The following PLCH1 variants were observed in gnomAD, a reference collection of about 807,000 sequenced individuals.
PLCH1 encodes phospholipase C eta 1.
Under a neutral mutation model 126.7 loss-of-function variants are expected in PLCH1, and 60 were observed. That is an observed-to-expected ratio of 0.47 (90% confidence interval 0.38 to 0.59). PLCH1 has a LOEUF of 0.59. Among genes scored for constraint, PLCH1 ranks in the 20% least tolerant of loss-of-function variants. PLCH1 has a pLI of 0.00. For missense variants in PLCH1, 1,723 were observed against 2,040.0 expected (o/e 0.84, Z 2.99); for synonymous variants, 719 against 734.9 (o/e 0.98, Z 0.35).
intron 21 of PLCH1, chr3:155,486,153 A>G: frequency 5.2e-6 from 8 of 1,541,812 alleles, no homozygotes; most frequent in African/African-American, 2.7e-5. Flanking sequence ...CTACCTTTGT[A>G]GCTCCTAGAA....
intron 21 of PLCH1, among the ~76,000 whole-genome samples, chr3:155,463,349 C>T (rs1712800562): frequency 1.3e-5 from 2 of 152,182 alleles, no homozygotes; most frequent in South Asian, 4.1e-4. Flanking sequence ...ATCTCAGCAC[C>T]TCTACCAGGT....
At chr3:155,688,851 G>T (rs1745155420) in intron 2 of PLCH1, among the ~76,000 whole-genome samples, 1 of 152,234 alleles carries the variant, frequency 6.6e-6, no homozygotes, top group Non-Finnish European at 1.5e-5. Flanking sequence ...ACTTTGTATT[G>T]TGGCCTGAGT....
At chr3:155,476,420 C>T (rs114675719), downstream of PLCH1, among the ~76,000 whole-genome samples, 933 of 151,982 alleles carry the variant, frequency 6.1e-3, 11 homozygotes, top group African/African-American at 0.021. Flanking sequence ...TTGTTATTCA[C>T]CATAGTACTG....
At chr3:155,458,353 AAAAAAGAAAGAAAG>A (rs1712519674) in intron 21 of PLCH1, among the ~76,000 whole-genome samples, 1 of 144,776 alleles carries the variant, frequency 6.9e-6, no homozygotes, top group African/African-American at 2.6e-5. Context: ...AAAAAAAAAA[AAAAAAGAAAGAAAG>A]AAGAAAGAAA....
intron 2 of PLCH1, among the ~76,000 whole-genome samples, chr3:155,673,047 C>T (rs1488696095): frequency 1.3e-4 from 14 of 103,840 alleles, no homozygotes; most frequent in African/African-American, 5.9e-4. Context: ...CCTTCTGTTG[C>T]CTTTTTTTTT....
chr3:155,603,441 AC>A, intron 2 of PLCH1, among the ~76,000 whole-genome samples: 1 of 152,348 alleles, frequency 6.6e-6, no homozygotes, highest in Non-Finnish European at 1.5e-5. Context: ...GGGACTTGGT[AC>A]ATAGCAGGTG....
In PLCH1 at chr3:155,586,117, ATCAGC is replaced by A; in HGVS notation, c.543_547del (p.Gln181HisfsTer3). On this transcript the variant is annotated frameshift_variant, in exon 5 of 23. Transcript: ENST00000460012. LOFTEE classifies it high-confidence loss of function. ...GGGCAGATTAACATTCAGTTTATGC[ATCAGC>A]TGATGTATCTCTTCAATATTCAGCA... 2 of 1,613,750 alleles carry A rather than the reference ATCAGC, an allele frequency of 1.2e-6. No individual in the cohort carries two copies. The highest frequency in any genetic ancestry group is 1.7e-6 in the Non-Finnish European group (2 of 1,179,636).
At chr3:155,563,116 G>A (rs182037072) in intron 8 of PLCH1, among the ~76,000 whole-genome samples, 14 of 152,270 alleles carry the variant, frequency 9.2e-5, no homozygotes, top group Admixed American at 8.5e-4. Context: ...CACTGGCCTT[G>A]CTGGCTCCCC....
chr3:155,487,605 C>T (rs1177195668), intron 21 of PLCH1, among the ~76,000 whole-genome samples: 1 of 152,184 alleles, frequency 6.6e-6, no homozygotes, highest in Non-Finnish European at 1.5e-5. Context: ...ATGTAGCCTG[C>T]CTAGAAGTCG....
At chr3:155,574,828 T>G (rs1423732765) in intron 6 of PLCH1, among the ~76,000 whole-genome samples, 1 of 152,130 alleles carries the variant, frequency 6.6e-6, no homozygotes, top group African/African-American at 2.4e-5. Context: ...CTGCTTTAAT[T>G]GTGAATAATT....
intron 8 of PLCH1, among the ~76,000 whole-genome samples, chr3:155,558,506 T>C (rs1727124112): frequency 6.6e-6 from 1 of 152,182 alleles, no homozygotes; most frequent in Non-Finnish European, 1.5e-5. Flanking sequence ...TACATATACA[T>C]ACCTATAATA....
chr3:155,706,431 C>G lies in PLCH1; in HGVS notation c.-40-2167G>C, dbSNP rs1022880395. Among the ~76,000 whole-genome samples the G allele has an allele frequency of 4.6e-5, 7 of 151,774 alleles. No individual in the cohort carries two copies. In the East Asian group the frequency reaches 1.2e-3, roughly 25 times the overall value. On this transcript the variant is annotated intron_variant, in intron 1 of 22. Transcript: ENST00000460012. Reference sequence around the variant, plus strand: ...GGTCAGGAGTTCCAGACCAGCCTGACCAACATGGTGAAATCCCATCTCTAC... The same window carrying G: ...GGTCAGGAGTTCCAGACCAGCCTGAGCAACATGGTGAAATCCCATCTCTAC...
chr3:155,491,288 G>C (rs1044342388), intron 18 of PLCH1, among the ~76,000 whole-genome samples: 1 of 152,090 alleles, frequency 6.6e-6, no homozygotes, highest in Non-Finnish European at 1.5e-5. Context: ...TTTTGAGATA[G>C]GGTCTTACTC....
intron 22 of PLCH1, among the ~76,000 whole-genome samples, chr3:155,484,805 T>C (rs1043730500): frequency 2.0e-5 from 3 of 152,142 alleles, no homozygotes; most frequent in African/African-American, 4.8e-5. Flanking sequence ...GTGCTGAAGC[T>C]GCAGGCACAC....
chr3:155,561,755 G>A (rs1158446201), intron 8 of PLCH1, among the ~76,000 whole-genome samples: 2 of 152,018 alleles, frequency 1.3e-5, no homozygotes, highest in African/African-American at 4.8e-5. Flanking sequence ...CACCAACAGT[G>A]TAAAAGTGTT....
chr3:155,476,236 AT>A (rs1713541312), downstream of PLCH1, among the ~76,000 whole-genome samples: 1 of 152,144 alleles, frequency 6.6e-6, no homozygotes, highest in Admixed American at 6.5e-5. Flanking sequence ...CTGAAAAAGT[AT>A]TTGATAAAAT....
rs140431256 is a variant in PLCH1 at position 155,481,112 on chromosome 3, G to A, written c.4914C>T (p.Gly1638=). ...AGYLKNTKGG[G]LEGRGIPEGA... is the part of the protein sequence containing the mutation. ...CCTCTGGGATGCCCCGGCCTTCAAG[G>A]CCACCCCCTTTCGTGTTCTTCAGGT... The change falls in exon 23 of 23, where the codon GGC becomes GGT. Residue 1638 remains glycine (G), a synonymous_variant. Coordinates refer to ENST00000460012, the MANE Select transcript of PLCH1 (RefSeq NM_014996.4). The surrounding 1 kb of genome is among the most constrained non-coding windows in gnomAD (Gnocchi z 4.2). 1.2e-6 allele frequency: 2 copies of A among 1,614,206 alleles called. No homozygotes were observed. Among genetic ancestry groups the A allele is most frequent in the East Asian group, 2.2e-5 (1 of 44,878 alleles).
chr3:155,721,626 T>C (rs949305749), intron 1 of PLCH1, among the ~76,000 whole-genome samples: 2 of 152,220 alleles, frequency 1.3e-5, no homozygotes, highest in African/African-American at 4.8e-5. Context: ...TAGGATTTTC[T>C]AGGTGTACAA....
chr3:155,601,141 A>AT (rs1439701263), intron 2 of PLCH1, among the ~76,000 whole-genome samples: 1 of 151,620 alleles, frequency 6.6e-6, no homozygotes, highest in Admixed American at 6.6e-5. Context: ...CGCCCGGCCA[A>AT]TTTTTTTTGT....
Sources: gnomAD v4.1 joint callset for allele counts (sites outside exome capture counted in the v4.1 genomes callset) on GRCh38, gnomAD v4.1.1 for gene constraint, Gnocchi (gnomAD v3.1) non-coding constraint, MANE v1.5 for transcripts, NCBI Gene and HGNC (gene_info 2026-07-23, HGNC 2026-07-21) for gene names.